The following CXCR4 variants were observed in gnomAD, a reference collection of about 807,000 sequenced individuals.
CXCR4 encodes C-X-C chemokine receptor type 4.
Under a neutral mutation model 22.4 loss-of-function variants are expected in CXCR4, and 6 were observed. The observed-to-expected ratio is 0.27, with a 90% CI of 0.15 to 0.53. The LOEUF (loss-of-function observed/expected upper bound fraction) is 0.53, where lower values mean the gene tolerates loss of function less well. Among genes scored for constraint, CXCR4 ranks in the 20% least tolerant of loss-of-function variants. The pLI is 0.96. For missense variants in CXCR4, 300 were observed against 430.4 expected, an observed-to-expected ratio of 0.70 and a Z score of 2.68; for synonymous variants, 155 against 171.7, an observed-to-expected ratio of 0.90 and a Z score of 0.76.
At chr2:136,117,737 T>A (rs1684954247) in intron 1 of CXCR4, 2 of 360,572 alleles carry the variant, frequency 5.5e-6, no homozygotes, top group Middle Eastern at 8.1e-4. Context: ...GTGCACAGAA[T>A]GTTCTTACGT....
chr2:136,117,210 C>T (rs1386156036), intron 1 of CXCR4, among the ~76,000 whole-genome samples: 1 of 152,126 alleles, frequency 6.6e-6, no homozygotes, highest in African/African-American at 2.4e-5. Flanking sequence ...GCTCCTATCC[C>T]CGGAGCGCAA....
chr2:136,115,317 A>G lies in CXCR4; in HGVS notation c.611T>C (p.Ile204Thr), dbSNP rs746770414. 1 of 1,614,096 alleles carries G rather than the reference A, an allele frequency of 6.2e-7. No individual in the cohort carries two copies. Among genetic ancestry groups the G allele is most frequent in the African/African-American group, 1.3e-5 (1 of 74,932 alleles). ...LWVVVFQFQH[I>T]MVGLILPGIV... Reference sequence around the variant, plus strand: ...ACCAGGCAGGATAAGGCCAACCATGATGTGCTGAAACTGGAACACAACCAC... The same window carrying G: ...ACCAGGCAGGATAAGGCCAACCATGGTGTGCTGAAACTGGAACACAACCAC... The change falls in exon 2 of 2, where the codon ATC (isoleucine) becomes ACC (threonine). Residue 204 changes from isoleucine to threonine, a missense_variant. Transcript: ENST00000241393. This position sits in a 1 kb window ranked among gnomAD's most constrained non-coding sequence, Gnocchi z 6.4.
chr2:136,116,297 G>C lies in CXCR4; in HGVS notation c.16-385C>G, dbSNP rs575495658. 6 of 1,083,476 alleles carry C rather than the reference G, an allele frequency of 5.5e-6. No homozygotes were observed. The African/African-American group carries it at 1.0e-4, about 18-fold the overall frequency. 67.1% of individuals were successfully genotyped at this position (1,083,476 alleles called of 1,614,324 possible). On this transcript the variant is annotated intron_variant, in intron 1 of 1. Coordinates refer to ENST00000241393, the MANE Select transcript of CXCR4 (RefSeq NM_003467.3). ...CACAAAGAGGCCACTCCCAGGCGGC[G>C]TGGGGGGTGGGGTGGGTGCTGCTAG...
In CXCR4 at chr2:136,115,360, A is replaced by G. The variant is rs2104916890; in HGVS notation, c.568T>C (p.Tyr190His). The change falls in exon 2 of 2, where the codon TAC (tyrosine) becomes CAC (histidine). Residue 190 changes from tyrosine to histidine, a missense_variant. Tyr to His is a moderately conservative substitution (Grantham distance 83, BLOSUM62 2). Around this residue, in one of 3 missense-constraint regions of CXCR4, gnomAD observed 137 missense variants for 153.2 expected, o/e 0.89. Coordinates refer to ENST00000241393, the MANE Select transcript of CXCR4 (RefSeq NM_003467.3). This position sits in a 1 kb window ranked among gnomAD's most constrained non-coding sequence, Gnocchi z 6.4. ...ADDRYICDRF[Y>H]PNDLWVVVFQ... ...ACAACCACCCACAAGTCATTGGGGT[A>G]GAAGCGGTCACAGATATATCTGTCA... 1 of 1,614,210 alleles carries G rather than the reference A, an allele frequency of 6.2e-7. No homozygotes were observed. The highest frequency in any genetic ancestry group is 8.5e-7 in the Non-Finnish European group (1 of 1,180,036).
Position 136,116,323 on chromosome 2 carries a change from G to C in CXCR4, c.16-411C>G, listed in dbSNP as rs1338780348. On this transcript the variant is annotated intron_variant, in intron 1 of 1. Coordinates refer to ENST00000241393, the MANE Select transcript of CXCR4 (RefSeq NM_003467.3). ...TGGGGGGTGGGGTGGGTGCTGCTAG[G>C]AGGGGCAGTGATTAACTTTTTGTAA... The C allele has an allele frequency of 2.5e-5, 20 of 804,300 alleles. No individual in the cohort carries two copies. The South Asian group carries it at 6.3e-4, about 25-fold the overall frequency. The allele number at this position is 804,300 out of a possible 1,614,324, so 49.8% of individuals were successfully genotyped here.
rs2104917286 is a variant in CXCR4 at position 136,115,420 on chromosome 2, G to C, written c.508C>G (p.Pro170Ala). The change falls in exon 2 of 2, where the codon CCC (proline) becomes GCC (alanine). Residue 170 changes from proline to alanine, a missense_variant. Transcript: ENST00000241393. This position sits in a 1 kb window ranked among gnomAD's most constrained non-coding sequence, Gnocchi z 6.4. ...CTGACGTTGGCAAAGATGAAGTCGG[G>C]AATAGTCAGCAGGAGGGCAGGGATC... ...VWIPALLLTI[P>A]DFIFANVSEA... 6.2e-7 allele frequency: 1 copy of C among 1,614,204 alleles called. No individual in the cohort carries two copies. Among genetic ancestry groups the C allele is most frequent in the South Asian group, 1.1e-5 (1 of 91,086 alleles).
At chr2:136,116,216 C>G in intron 1 of CXCR4, 2 of 1,300,632 alleles carry the variant, frequency 1.5e-6, no homozygotes, top group South Asian at 1.6e-5. Context: ...AACTCCTCTG[C>G]CCCGCCCACT....
In CXCR4 at chr2:136,118,147, A is replaced by T; in HGVS notation, c.-87T>A. The T allele has an allele frequency of 7.1e-7, 1 of 1,408,158 alleles. No homozygotes were observed. Among genetic ancestry groups the T allele is most frequent in the South Asian group, 1.2e-5 (1 of 84,456 alleles). 87.2% of individuals were successfully genotyped at this position (1,408,158 alleles called of 1,614,324 possible). On this transcript the variant is annotated 5_prime_UTR_variant, in exon 1 of 2. Coordinates refer to ENST00000241393, the MANE Select transcript of CXCR4 (RefSeq NM_003467.3). The stretch of plus-strand genomic sequence containing the variant: ...TGCTACCTGCTGCCGCAGCCAACAA[A>T]CTGAAGTTTCTGGCCGCGGCCGGAC...
At position 136,115,679 on chromosome 2, in the gene CXCR4, G is replaced by C; in HGVS notation, c.249C>G (p.Ala83=). 3 of 1,614,152 alleles carry C rather than the reference G, an allele frequency of 1.9e-6. No individual in the cohort carries two copies. The highest frequency in any genetic ancestry group is 1.1e-5 in the South Asian group (1 of 91,086). Residue 83 remains alanine (A), a synonymous_variant, in exon 2 of 2, where the codon GCC becomes GCG. Coordinates refer to ENST00000241393, the MANE Select transcript of CXCR4 (RefSeq NM_003467.3). This position sits in a 1 kb window ranked among gnomAD's most constrained non-coding sequence, Gnocchi z 6.4. ...GAAGCGTGATGACAAAGAGGAGGTC[G>C]GCCACTGACAGGTGCAGCCTGTACT... ...TDKYRLHLSV[A]DLLFVITLPF...
chr2:136,117,106 A>C (rs935418931), intron 1 of CXCR4, among the ~76,000 whole-genome samples: 1 of 152,226 alleles, frequency 6.6e-6, no homozygotes, highest in African/African-American at 2.4e-5. Flanking sequence ...GGAGAGAGCC[A>C]AACGGTTTCC....
chr2:136,115,965 C>T lies in CXCR4; in HGVS notation c.16-53G>A. 1 of 1,613,622 alleles carries T rather than the reference C, an allele frequency of 6.2e-7. No homozygotes were observed. Among genetic ancestry groups the T allele is most frequent in the Non-Finnish European group, 8.5e-7 (1 of 1,179,976 alleles). On this transcript the variant is annotated intron_variant, in intron 1 of 1. Coordinates refer to ENST00000241393, the MANE Select transcript of CXCR4 (RefSeq NM_003467.3). The surrounding 1 kb of genome is among the most constrained non-coding windows in gnomAD (Gnocchi z 6.4). Reference sequence around the variant, plus strand: ...TCACTTCCAATTCAGCAAGCATTAACCCAGTTAAAAAAAATTTTTAAAGCA... The same window carrying T: ...TCACTTCCAATTCAGCAAGCATTAATCCAGTTAAAAAAAATTTTTAAAGCA...
intron 1 of CXCR4, 116 bp downstream of exon 1, chr2:136,117,930 T>C: frequency 1.4e-6 from 1 of 703,522 alleles, no homozygotes. Flanking sequence ...GGTGACCCTT[T>C]TTTGGAGTAC....
chr2:136,117,870 C>T (rs1240552425), intron 1 of CXCR4, 176 bp downstream of exon 1: 1 of 138,108 alleles, frequency 7.2e-6, no homozygotes. Context: ...CAATCCTGCT[C>T]CCCCCCCACC....
Position 136,114,742 on chromosome 2 carries a change from GA to G in CXCR4, c.*126del. 1.1e-6 allele frequency: 1 copy of G among 870,516 alleles called. No individual in the cohort carries two copies. 53.9% of individuals were successfully genotyped at this position (870,516 alleles called of 1,614,324 possible). ...TCAATTAAACTTCACAAAAACTAAA[GA>G]AACACAAGACAAAAATCCAACAAGC... On this transcript the variant is annotated 3_prime_UTR_variant, in exon 2 of 2. Transcript: ENST00000241393.
chr2:136,117,539 G>C (rs2104921128), intron 1 of CXCR4: 2 of 159,480 alleles, frequency 1.3e-5, no homozygotes, highest in African/African-American at 2.4e-5. Flanking sequence ...CCAGTGTCAA[G>C]AACAGTCACC....
Position 136,115,352 on chromosome 2 carries a change from A to AT in CXCR4, c.575dup (p.Asn192LysfsTer2). The AT allele has an allele frequency of 6.2e-7, 1 of 1,614,230 alleles. No individual in the cohort carries two copies. Among genetic ancestry groups the AT allele is most frequent in the Non-Finnish European group, 8.5e-7 (1 of 1,180,042 alleles). On this transcript the variant is annotated frameshift_variant, in exon 2 of 2. Coordinates refer to ENST00000241393, the MANE Select transcript of CXCR4 (RefSeq NM_003467.3). LOFTEE classifies it high-confidence loss of function. This position sits in a 1 kb window ranked among gnomAD's most constrained non-coding sequence, Gnocchi z 6.4. The stretch of plus-strand genomic sequence containing the variant: ...ACTGGAACACAACCACCCACAAGTC[A>AT]TTGGGGTAGAAGCGGTCACAGATAT...
In CXCR4 at chr2:136,114,783, A is replaced by C; in HGVS notation, c.*86T>G. 1 of 1,200,748 alleles carries C rather than the reference A, an allele frequency of 8.3e-7. No homozygotes were observed. Among genetic ancestry groups the C allele is most frequent in the Non-Finnish European group, 1.2e-6 (1 of 841,970 alleles). The allele number at this position is 1,200,748 out of a possible 1,614,324, so 74.4% of individuals were successfully genotyped here. ...ATCCAACAAGCAATAAAAACTGTAC[A>C]ATATTGGTCAGTCTTTTATATCTGA... On this transcript the variant is annotated 3_prime_UTR_variant, in exon 2 of 2. Transcript: ENST00000241393.
At chr2:136,117,528 C>T in intron 1 of CXCR4, 1 of 156,004 alleles carries the variant, frequency 6.4e-6, no homozygotes, top group Non-Finnish European at 1.4e-5. Context: ...CAAACACGCA[C>T]CCAGTGTCAA....
intron 1 of CXCR4, among the ~76,000 whole-genome samples, chr2:136,117,352 G>C (rs894487755): frequency 6.6e-3 from 1 of 152 alleles, no homozygotes; most frequent in African/African-American, 0.02. Flanking sequence ...CGGACGGCGG[G>C]AAGGTTTTCC....
Sources: gnomAD v4.1 joint callset for allele counts (sites outside exome capture counted in the v4.1 genomes callset) on GRCh38, gnomAD v4.1.1 for gene constraint, gnomAD v4.1.1 regional missense constraint, Gnocchi (gnomAD v3.1) non-coding constraint, MANE v1.5 for transcripts, NCBI Gene and HGNC (gene_info 2026-07-23, HGNC 2026-07-21) for gene names.